ALMS1: variants seen among roughly 807,000 people sequenced by gnomAD.
ALMS1 encodes ALMS1 centrosome and basal body associated protein, also known as centrosome-associated protein ALMS1.
A neutral mutation model predicts 352.2 loss-of-function variants in ALMS1; 271 were observed. The observed-to-expected ratio is 0.77, with a 90% CI of 0.70 to 0.85. The LOEUF (loss-of-function observed/expected upper bound fraction) is 0.85, where lower values mean the gene tolerates loss of function less well. Among genes scored for constraint, ALMS1 ranks in the 40% least tolerant of loss-of-function variants. The pLI is 0.00. For missense variants in ALMS1, 5,445 were observed against 4,870.7 expected (o/e 1.12, Z -3.51); for synonymous variants, 1,865 against 1,761.2 (o/e 1.06, Z -1.48).
At chr2:73,531,816 C>G (rs1389832144) in intron 11 of ALMS1, among the ~76,000 whole-genome samples, 1 of 152,214 alleles carries the variant, frequency 6.6e-6, no homozygotes, top group South Asian at 2.1e-4. Flanking sequence ...ACACATCTTA[C>G]GTGGCAGCAG....
At position 73,557,154 on chromosome 2, in the gene ALMS1, A is replaced by G. The variant is rs1674563533; in HGVS notation, c.10079-66A>G. 4 of 1,601,326 alleles carry G rather than the reference A, an allele frequency of 2.5e-6. No individual in the cohort carries two copies. The African/African-American group carries it at 5.4e-5, about 21-fold the overall frequency. ...GGGGTTTTGTTTGTAATTGTGGGGG[A>G]GGATTACTTGTCTGTTGTGTTTATT... On this transcript the variant is annotated intron_variant, in intron 13 of 22. Transcript: ENST00000613296.
At chr2:73,578,765 G>A (rs1573035428) in intron 16 of ALMS1, among the ~76,000 whole-genome samples, 1 of 152,096 alleles carries the variant, frequency 6.6e-6, no homozygotes, top group African/African-American at 2.4e-5. Flanking sequence ...CACTAAAATA[G>A]ATTTATAATT....
chr2:73,585,121 A>G (rs1675281150), intron 16 of ALMS1, among the ~76,000 whole-genome samples: 1 of 152,042 alleles, frequency 6.6e-6, no homozygotes, highest in African/African-American at 2.4e-5. Flanking sequence ...ATAATGACAT[A>G]TTTTCCTCTG....
At chr2:73,469,198 A>G (rs903991925) in intron 9 of ALMS1, among the ~76,000 whole-genome samples, 9 of 151,964 alleles carry the variant, frequency 5.9e-5, no homozygotes, top group African/African-American at 2.2e-4. Context: ...AGAAAAAAAA[A>G]CCATGAAGTA....
In ALMS1 at chr2:73,453,531, A is replaced by G. The variant is rs771422712; in HGVS notation, c.7004A>G (p.Asp2335Gly). 1.2e-6 allele frequency: 2 copies of G among 1,613,696 alleles called. No homozygotes were observed. The highest frequency in any genetic ancestry group is 4.5e-5 in the East Asian group (2 of 44,862). ...CCAAGCAGCAGGTGCATACAGAAGG[A>G]TATTGGCACACAGACGAATTTGAAA... is the stretch of plus-strand genomic sequence containing the variant. The part of the protein sequence containing the change: ...ESPSSRCIQK[D>G]IGTQTNLKCR... The change falls in exon 8 of 23, where the codon GAT becomes GGT. Residue 2335 changes from aspartate (D) to glycine (G), a missense_variant. Transcript: ENST00000613296.
At chr2:73,541,547 A>G (rs1421036990) in intron 12 of ALMS1, among the ~76,000 whole-genome samples, 1 of 152,244 alleles carries the variant, frequency 6.6e-6, no homozygotes, top group African/African-American at 2.4e-5. Context: ...TAGAGTCACA[A>G]AATACCCTTC....
rs1320923627 is a variant in ALMS1, at chr2:73,609,631, A to T, written c.*19A>T. On this transcript the variant is annotated 3_prime_UTR_variant, in exon 23 of 23. Transcript: ENST00000613296. Reference sequence around the variant, plus strand: ...GGACTGACACAAGTTTATTTTCCTCAGAGCCTTGGAATTCTATTTTATGAA... The same window carrying T: ...GGACTGACACAAGTTTATTTTCCTCTGAGCCTTGGAATTCTATTTTATGAA... 6.2e-7 allele frequency: 1 copy of T among 1,612,458 alleles called. No individual in the cohort carries two copies. Among genetic ancestry groups the T allele is most frequent in the Non-Finnish European group, 8.5e-7 (1 of 1,178,586 alleles).
chr2:73,515,484 A>G (rs1673536390), intron 10 of ALMS1, among the ~76,000 whole-genome samples: 1 of 152,046 alleles, frequency 6.6e-6, no homozygotes, highest in Non-Finnish European at 1.5e-5. Flanking sequence ...ATTGTAAATA[A>G]GAGGATAATA....
At chr2:73,569,010 T>A (rs1674864756) in intron 15 of ALMS1, among the ~76,000 whole-genome samples, 1 of 98,840 alleles carries the variant, frequency 1.0e-5, no homozygotes, top group Non-Finnish European at 2.2e-5. Flanking sequence ...TTTTTTTTTT[T>A]TTTTTTTTTT....
chr2:73,447,905 T>C (rs1671838337), intron 7 of ALMS1, 55 bp from the exon 8 acceptor site: 1 of 1,514,878 alleles, frequency 6.6e-7, no homozygotes, highest in East Asian at 2.5e-5. Context: ...TTCCAGCACA[T>C]AGAATTTTAA....
At chr2:73,540,678 G>A (rs1458713982) in intron 12 of ALMS1, among the ~76,000 whole-genome samples, 1 of 152,096 alleles carries the variant, frequency 6.6e-6, no homozygotes, top group East Asian at 1.9e-4. Flanking sequence ...GATAGAGGAA[G>A]ATCTACCAAG....
intron 20 of ALMS1, among the ~76,000 whole-genome samples, chr2:73,602,991 A>G (rs1475827489): frequency 1.3e-5 from 2 of 152,240 alleles, no homozygotes; most frequent in African/African-American, 2.4e-5. Context: ...CTTTTATCCA[A>G]CTTTAGAAAC....
intron 15 of ALMS1, among the ~76,000 whole-genome samples, chr2:73,571,370 G>A (rs1674922930): frequency 6.6e-6 from 1 of 152,196 alleles, no homozygotes; most frequent in Non-Finnish European, 1.5e-5. Flanking sequence ...TCCTGCTGCT[G>A]TAACAAAATT....
chr2:73,424,308 G>A (rs1671336741), intron 4 of ALMS1, 122 bp from the exon 5 acceptor site: 2 of 673,022 alleles, frequency 3.0e-6, no homozygotes, highest in African/African-American at 1.9e-5. Flanking sequence ...GGAGAGCTGT[G>A]TTTTTCAATA....
intron 2 of ALMS1, among the ~76,000 whole-genome samples, chr2:73,412,221 A>G (rs929804329): frequency 3.3e-5 from 5 of 152,214 alleles, no homozygotes; most frequent in Non-Finnish European, 5.9e-5. Context: ...GAACGTCACA[A>G]AAAGTTCCTG....
At chr2:73,485,650 A>G (rs565228972) in intron 9 of ALMS1, among the ~76,000 whole-genome samples, 2 of 152,184 alleles carry the variant, frequency 1.3e-5, no homozygotes, top group Admixed American at 1.3e-4. Flanking sequence ...AGCCTGGGCA[A>G]TGGCGGGCGC....
intron 10 of ALMS1, among the ~76,000 whole-genome samples, chr2:73,492,844 C>T (rs1387145713): frequency 2.6e-5 from 4 of 152,010 alleles, no homozygotes; most frequent in South Asian, 2.1e-4. Flanking sequence ...CCTGGGTTCC[C>T]GTCCCGCCTC....
rs1255357850 is a variant in ALMS1 at position 73,386,345 on chromosome 2, G to A, written c.324+153G>A. 2.4e-5 allele frequency: 17 copies of A among 712,368 alleles called. 1 individual carries two copies. The highest frequency in any genetic ancestry group is 2.9e-5 in the Non-Finnish European group (17 of 580,118). The allele number at this position is 712,368 out of a possible 1,614,324, so 44.1% of individuals were successfully genotyped here. On this transcript the variant is annotated intron_variant, in intron 1 of 22. Coordinates refer to ENST00000613296, the MANE Select transcript of ALMS1 (RefSeq NM_001378454.1). ...CGGCCCAGACTCCAGCCCAGGTGCC[G>A]GCCGGCTGCTCCGCGTCTCCCAGGC...
chr2:73,465,194 A>C (rs1672304833), intron 9 of ALMS1, among the ~76,000 whole-genome samples: 1 of 152,278 alleles, frequency 6.6e-6, no homozygotes, highest in Admixed American at 6.5e-5. Flanking sequence ...ATCCTAAGCC[A>C]AAAGAACAAA....
Sources: allele counts gnomAD v4.1 joint callset (sites outside exome capture counted in the v4.1 genomes callset), GRCh38; gene constraint gnomAD v4.1.1; transcripts MANE v1.5; gene names NCBI Gene and HGNC (gene_info 2026-07-23, HGNC 2026-07-21).